The following STOX2 variants were observed in gnomAD, a reference collection of about 807,000 sequenced individuals.
The protein encoded by STOX2 is storkhead box 2.
STOX2 carries 28 observed loss-of-function variants against 60.9 expected under a neutral mutation model. The ratio of observed to expected loss-of-function variants is 0.46; its 90% CI spans 0.34 to 0.63. STOX2 has a LOEUF of 0.63. Among genes scored for constraint, STOX2 ranks in the 30% least tolerant of loss-of-function variants. The pLI is 0.01. For missense variants in STOX2, 1,024 were observed against 1,187.7 expected (o/e 0.86, Z 2.03); for synonymous variants, 472 against 463.9 (o/e 1.02, Z -0.22).
At chr4:184,008,013 G>A (rs1334871847) in intron 2 of STOX2, among the ~76,000 whole-genome samples, 1 of 152,208 alleles carries the variant, frequency 6.6e-6, no homozygotes, top group Non-Finnish European at 1.5e-5. Context: ...ACAGGGCAGG[G>A]TTTCAATCCA....
At chr4:183,803,744 C>A (rs1738820966) in intron 1 of STOX2, among the ~76,000 whole-genome samples, 1 of 152,290 alleles carries the variant, frequency 6.6e-6, no homozygotes, top group African/African-American at 2.4e-5. Context: ...AGGTGGGCCA[C>A]CTGAGGTCAG....
At chr4:183,883,641 A>G (rs1741009060) in intron 1 of STOX2, among the ~76,000 whole-genome samples, 1 of 151,802 alleles carries the variant, frequency 6.6e-6, no homozygotes, top group African/African-American at 2.4e-5. Flanking sequence ...TTATATAGTC[A>G]TTTTATTTTC....
chr4:184,013,813 G>C (rs530302103), intron 3 of STOX2, among the ~76,000 whole-genome samples: 3 of 152,128 alleles, frequency 2.0e-5, no homozygotes, highest in Non-Finnish European at 4.4e-5. Flanking sequence ...TTTAGAGATA[G>C]AGTCTCACTC....
At chr4:184,000,230 G>C (rs1733527704) in intron 1 of STOX2, among the ~76,000 whole-genome samples, 1 of 152,102 alleles carries the variant, frequency 6.6e-6, no homozygotes, top group Admixed American at 6.5e-5. Context: ...GGGATCCTTG[G>C]AGCATCACTT....
At chr4:183,971,816 A>G (rs1743750650) in intron 1 of STOX2, among the ~76,000 whole-genome samples, 1 of 152,256 alleles carries the variant, frequency 6.6e-6, no homozygotes, top group South Asian at 2.1e-4. Context: ...AGACACTAAA[A>G]AGTAGTGATG....
In STOX2 at chr4:183,856,365, C is replaced by T. The variant is rs1463803288; in HGVS notation, c.364+58310C>T. Among the ~76,000 whole-genome samples the T allele has an allele frequency of 1.3e-5, 2 of 152,324 alleles. No homozygotes were observed. Among genetic ancestry groups the T allele is most frequent in the African/African-American group, 4.8e-5 (2 of 41,568 alleles). On this transcript the variant is annotated intron_variant, in intron 1 of 2. Coordinates refer to the STOX2 transcript ENST00000513034. This position sits in a 1 kb window ranked among gnomAD's most constrained non-coding sequence, Gnocchi z 4.0. ...CCCTTCAGGAGAACAGACGCAAATA[C>T]GCACAAACAGTTGCAAAGTGAACAC...
At chr4:183,842,195 C>T (rs574975749) in intron 1 of STOX2, among the ~76,000 whole-genome samples, 1 of 152,340 alleles carries the variant, frequency 6.6e-6, no homozygotes, top group Non-Finnish European at 1.5e-5. Context: ...TTCAGCAAAA[C>T]TCAGTCTTTG....
chr4:183,873,543 T>C (rs2164303), intron 1 of STOX2, among the ~76,000 whole-genome samples: 63,881 of 151,502 alleles, frequency 0.42, 13,640 homozygotes, highest in Middle Eastern at 0.47. Context: ...AAGCACTAAA[T>C]GGTGACTGTG....
chr4:183,842,377 C>A (rs1739883117), intron 1 of STOX2, among the ~76,000 whole-genome samples: 1 of 152,182 alleles, frequency 6.6e-6, no homozygotes, highest in African/African-American at 2.4e-5. Flanking sequence ...CAGCTCCTAT[C>A]AATTTCCCTT....
intron 1 of STOX2, among the ~76,000 whole-genome samples, chr4:183,993,983 T>C (rs1408565597): frequency 6.6e-6 from 1 of 152,204 alleles, no homozygotes; most frequent in Non-Finnish European, 1.5e-5. Context: ...GTAGGCCTTC[T>C]GTTAAAAGAG....
intron 1 of STOX2, among the ~76,000 whole-genome samples, chr4:183,982,787 G>A (rs146038723): frequency 1.3e-5 from 2 of 152,256 alleles, no homozygotes; most frequent in African/African-American, 2.4e-5. Flanking sequence ...GTTATCTCAC[G>A]TCTCTCTGCT....
intron 1 of STOX2, among the ~76,000 whole-genome samples, chr4:183,892,585 A>T (rs1294975531): frequency 6.6e-6 from 1 of 152,112 alleles, no homozygotes; most frequent in Non-Finnish European, 1.5e-5. Context: ...CGGCCCATTC[A>T]CACTCTTCTT....
upstream of STOX2, among the ~76,000 whole-genome samples, chr4:183,901,972 G>C (rs939903548): frequency 6.6e-6 from 1 of 151,726 alleles, no homozygotes; most frequent in Non-Finnish European, 1.5e-5. Flanking sequence ...TTTGTGGCTT[G>C]TGTCTTTGAT....
chr4:183,999,111 A>G (rs1167524904), intron 1 of STOX2, among the ~76,000 whole-genome samples: 1 of 151,922 alleles, frequency 6.6e-6, no homozygotes, highest in East Asian at 1.9e-4. Context: ...TTTTTGTAGG[A>G]AAAAAAAGGA....
In STOX2 at chr4:183,928,130, C is replaced by CT. The variant is rs564741491; in HGVS notation, c.166+21181dup. On this transcript the variant is annotated intron_variant, in intron 1 of 3. Coordinates refer to ENST00000308497, the MANE Select transcript of STOX2 (RefSeq NM_020225.3). ...TGTTTGCTTATGGGCTTTGTGGCAG[C>CT]TTTTTTTCCCAACAGATTGGTGTTC... Among the ~76,000 whole-genome samples, 481 of 152,254 alleles carry CT rather than the reference C, an allele frequency of 3.2e-3. 1 individual carries two copies. The highest frequency in any genetic ancestry group is 0.01 in the African/African-American group (421 of 41,538).
At chr4:183,963,587 C>T (rs1402026990) in intron 1 of STOX2, among the ~76,000 whole-genome samples, 2 of 151,624 alleles carry the variant, frequency 1.3e-5, no homozygotes, top group African/African-American at 2.4e-5. Context: ...CCACCACACC[C>T]GGCTAATTTT....
At chr4:183,903,431 G>A (rs1019965422), upstream of STOX2, among the ~76,000 whole-genome samples, 13 of 152,138 alleles carry the variant, frequency 8.5e-5, no homozygotes, top group Non-Finnish European at 1.2e-4. Flanking sequence ...ATTTCTTAGA[G>A]AGATTATTGT....
intron 1 of STOX2, among the ~76,000 whole-genome samples, chr4:183,801,801 T>A (rs1270147919): frequency 6.6e-6 from 1 of 151,988 alleles, no homozygotes; most frequent in Admixed American, 6.5e-5. Context: ...TAGAAGCCAC[T>A]GGAGGCTTCT....
chr4:183,951,202 G>A (rs111518122), intron 1 of STOX2, among the ~76,000 whole-genome samples: 2,004 of 144,646 alleles, frequency 0.014, 46 homozygotes, highest in African/African-American at 0.039. Context: ...GCGACAGAGC[G>A]AGACTCCGTC....
Sources: gnomAD v4.1 joint callset for allele counts (sites outside exome capture counted in the v4.1 genomes callset) on GRCh38, gnomAD v4.1.1 for gene constraint, Gnocchi (gnomAD v3.1) non-coding constraint, MANE v1.5 for transcripts, NCBI Gene and HGNC (gene_info 2026-07-23, HGNC 2026-07-21) for gene names.